Variants in JAKMIP3 observed in about 807,000 individuals in gnomAD.
JAKMIP3 encodes the protein Janus kinase and microtubule interacting protein 3.
A neutral mutation model predicts 118.5 loss-of-function variants in JAKMIP3; 58 were observed. The ratio of observed to expected loss-of-function variants is 0.49; its 90% CI spans 0.40 to 0.61. The LOEUF (loss-of-function observed/expected upper bound fraction) is 0.61, where lower values mean the gene tolerates loss of function less well. Ranked by LOEUF, JAKMIP3 falls within the 20% of genes least tolerant of loss-of-function variation. The pLI is 0.00. For synonymous variants in JAKMIP3, 486 were observed against 451.2 expected (o/e 1.08, Z -0.98); for missense variants, 950 against 1,109.0 (o/e 0.86, Z 2.04).
chr10:132,107,064 T>A (rs866474423), intron 2 of JAKMIP3, among the ~76,000 whole-genome samples: 3,033 of 150,820 alleles, frequency 0.02, 92 homozygotes, highest in African/African-American at 0.069. Flanking sequence ...TTTTTTTTTT[T>A]TTAACTTTTT....
intron 1 of JAKMIP3, among the ~76,000 whole-genome samples, chr10:132,093,441 C>T (rs992124796): frequency 3.9e-5 from 6 of 152,188 alleles, no homozygotes; most frequent in Non-Finnish European, 8.8e-5. Context: ...CAATGGCGGG[C>T]GCCCCCTCCA....
chr10:132,139,204 G>T (rs796171549), intron 9 of JAKMIP3, among the ~76,000 whole-genome samples: 39 of 130,434 alleles, frequency 3.0e-4, no homozygotes, highest in African/African-American at 9.9e-4. Context: ...GTATGAGTGT[G>T]TGTGTGTATG....
intron 23 of JAKMIP3, among the ~76,000 whole-genome samples, chr10:132,172,846 G>A (rs1428348345): frequency 6.6e-6 from 1 of 151,628 alleles, no homozygotes; most frequent in Non-Finnish European, 1.5e-5. Flanking sequence ...TGCTACTGGG[G>A]TGACAGTATT....
intron 23 of JAKMIP3, among the ~76,000 whole-genome samples, chr10:132,180,760 CGTGTGT>C (rs1205299432): frequency 0.021 from 312 of 14,716 alleles, 55 homozygotes; most frequent in Admixed American, 0.056. Flanking sequence ...CGCGTGTGTG[CGTGTGT>C]GTGCGTGTGT....
At chr10:132,108,493 G>T (rs112561922) in intron 2 of JAKMIP3, among the ~76,000 whole-genome samples, 3,012 of 152,162 alleles carry the variant, frequency 0.02, 98 homozygotes, top group African/African-American at 0.069. Context: ...AAAAAGGACG[G>T]GTGGGACACA....
intron 3 of JAKMIP3, among the ~76,000 whole-genome samples, chr10:132,123,525 A>T (rs1200473337): frequency 6.6e-6 from 1 of 152,168 alleles, no homozygotes; most frequent in Non-Finnish European, 1.5e-5. Context: ...TATAAAAATG[A>T]GGTCAGTTTC....
chr10:132,159,848 G>T (rs1251535764), intron 19 of JAKMIP3, among the ~76,000 whole-genome samples: 1 of 98,598 alleles, frequency 1.0e-5, no homozygotes, highest in Non-Finnish European at 1.9e-5. Flanking sequence ...TGATGCTGGG[G>T]GGCCTCTCCC....
rs2046953880 is a variant in JAKMIP3, at chr10:132,112,005, G to A, written c.136-5072G>A. On this transcript the variant is annotated intron_variant, in intron 2 of 23. Transcript: ENST00000684848. The surrounding 1 kb of genome is among the most constrained non-coding windows in gnomAD (Gnocchi z 4.3). ...TGTGGAACTGCTCTGGGACACGGGGGAGAGGAGCCAGGAGGTGTTGGCAGG... is the reference window on the plus strand; with the variant it reads ...TGTGGAACTGCTCTGGGACACGGGGAAGAGGAGCCAGGAGGTGTTGGCAGG... 2.0e-5 allele frequency among the ~76,000 whole-genome samples: 3 copies of A among 152,056 alleles called. No homozygotes were observed. The highest frequency in any genetic ancestry group is 7.2e-5 in the African/African-American group (3 of 41,396).
intron 3 of JAKMIP3, among the ~76,000 whole-genome samples, chr10:132,124,561 G>A (rs572450819): frequency 3.4e-5 from 5 of 147,526 alleles, no homozygotes; most frequent in Admixed American, 3.4e-4. Context: ...CATCGCACAC[G>A]TCCGTTGCCA....
chr10:132,175,068 T>G (rs1431454434), intron 23 of JAKMIP3, among the ~76,000 whole-genome samples: 1 of 152,184 alleles, frequency 6.6e-6, no homozygotes, highest in Non-Finnish European at 1.5e-5. Flanking sequence ...ATCTTTTCAT[T>G]CCCTTGAGTG....
At chr10:132,069,587 G>A (rs1384153464) in intron 1 of JAKMIP3, among the ~76,000 whole-genome samples, 6 of 152,198 alleles carry the variant, frequency 3.9e-5, no homozygotes, top group East Asian at 1.9e-4. Flanking sequence ...CCCCCCCTGC[G>A]TGCAGGTCTC....
Position 132,112,564 on chromosome 10 carries a change from G to A in JAKMIP3, c.136-4513G>A, listed in dbSNP as rs909388963. 6.6e-6 allele frequency among the ~76,000 whole-genome samples: 1 copy of A among 152,108 alleles called. No individual in the cohort carries two copies. Among genetic ancestry groups the A allele is most frequent in the Non-Finnish European group, 1.5e-5 (1 of 68,008 alleles). On this transcript the variant is annotated intron_variant, in intron 2 of 23. Transcript: ENST00000684848. The surrounding 1 kb of genome is among the most constrained non-coding windows in gnomAD (Gnocchi z 4.3). ...TCAGTGTTTTTGTCTACAAAGTCCC[G>A]CTTGGCTCTGTGTTCACAGAGATTT...
chr10:132,058,071 C>A (rs1486521610), intron 1 of JAKMIP3, among the ~76,000 whole-genome samples: 1 of 152,200 alleles, frequency 6.6e-6, no homozygotes, highest in South Asian at 2.1e-4. Context: ...AAGGGACTGG[C>A]TTGGTGTCCG....
In JAKMIP3 at chr10:132,137,027, A is replaced by T. The variant is rs773420827; in HGVS notation, c.1125A>T (p.Arg375Ser). ...GCTGCTTGGCGTTTCAGAGACAGAG[A>T]GCTGGAATCATACGGAGACCCAGTT... ...VTQENIEMRQ[R>S]AGIIRRPSSL... Residue 375 changes from arginine to serine, a missense_variant, in exon 7 of 24, where the codon AGA (arginine) becomes AGT (serine). Transcript: ENST00000684848. 17 of 1,613,530 alleles carry T rather than the reference A, an allele frequency of 1.1e-5. No homozygotes were observed. Among genetic ancestry groups the T allele is most frequent in the Non-Finnish European group, 1.4e-5 (16 of 1,179,720 alleles).
In JAKMIP3 at chr10:132,102,784, G is replaced by A. The variant is rs369243681; in HGVS notation, c.-137-1888G>A. 1.4e-4 allele frequency among the ~76,000 whole-genome samples: 21 copies of A among 152,280 alleles called. No individual in the cohort carries two copies. The East Asian group carries it at 4.1e-3, about 29-fold the overall frequency. ...CTGAGCCCCACACCCACACAGCTTG[G>A]CCTTCATCAAACTGCAGGGCCCATG... On this transcript the variant is annotated intron_variant, in intron 1 of 23. Coordinates refer to ENST00000684848, the MANE Select transcript of JAKMIP3 (RefSeq NM_001323087.2).
At position 132,180,750 on chromosome 10, in the gene JAKMIP3, C is replaced by CGTGT. The variant is rs1485012631; in HGVS notation, c.*1104-1606_*1104-1605insTGTG. ...GTGTGCGTGTGTGCGTGCGTGCGCGCGCGTGTGTGCGTGTGTGTGCGTGTG... is the reference window on the plus strand; with the variant it reads ...GTGTGCGTGTGTGCGTGCGTGCGCGCGTGTGCGTGTGTGCGTGTGTGTGCGTGTG... On this transcript the variant is annotated intron_variant, in intron 23 of 23. Transcript: ENST00000684848. 9.5e-4 allele frequency among the ~76,000 whole-genome samples: 12 copies of CGTGT among 12,696 alleles called. 3 individuals carry two copies. The highest frequency in any genetic ancestry group is 7.4e-3 in the African/African-American group (12 of 1,626). The allele number at this position is 12,696 out of a possible 152,430, so 8.3% of individuals were successfully genotyped here.
chr10:132,077,358 G>A (rs2040993526), intron 1 of JAKMIP3, among the ~76,000 whole-genome samples: 1 of 152,160 alleles, frequency 6.6e-6, no homozygotes, highest in South Asian at 2.1e-4. Flanking sequence ...AGCCCTTCCT[G>A]TGAGTGCCTG....
intron 17 of JAKMIP3, among the ~76,000 whole-genome samples, chr10:132,153,439 G>T (rs2056578772): frequency 1.3e-5 from 2 of 152,310 alleles, no homozygotes; most frequent in South Asian, 2.1e-4. Context: ...GGCACATAGG[G>T]GTTTGGAGAA....
chr10:132,180,560 T>TGTGC (rs2060752646), intron 23 of JAKMIP3, among the ~76,000 whole-genome samples: 3 of 51,822 alleles, frequency 5.8e-5, no homozygotes, highest in African/African-American at 3.6e-4. Context: ...CGTGCATGCG[T>TGTGC]GTGTGTGCGT....
Sources: allele counts gnomAD v4.1 joint callset (sites outside exome capture counted in the v4.1 genomes callset), GRCh38; gene constraint gnomAD v4.1.1; non-coding constraint Gnocchi (gnomAD v3.1); transcripts MANE v1.5; gene names NCBI Gene and HGNC (gene_info 2026-07-23, HGNC 2026-07-21).